CMSS1: variants seen among roughly 807,000 people sequenced by gnomAD.
CMSS1 encodes the protein protein CMSS1.
Under a neutral mutation model 43.5 loss-of-function variants are expected in CMSS1, and 33 were observed. The observed-to-expected ratio is 0.76, with a 90% CI of 0.57 to 1.01. The LOEUF (loss-of-function observed/expected upper bound fraction) is 1.01, where lower values mean the gene tolerates loss of function less well. CMSS1 is among the 50% of genes least tolerant of loss of function. The pLI is 0.00. For synonymous variants in CMSS1, 115 were observed against 117.2 expected (o/e 0.98, Z 0.12); for missense variants, 313 against 326.4 (o/e 0.96, Z 0.32).
At chr3:99,819,570 G>A (rs1340657858) in intron 1 of CMSS1, among the ~76,000 whole-genome samples, 1 of 152,136 alleles carries the variant, frequency 6.6e-6, no homozygotes, top group African/African-American at 2.4e-5. Flanking sequence ...AAAAAGTTAA[G>A]TCGTGTTCTT....
intron 1 of CMSS1, among the ~76,000 whole-genome samples, chr3:99,949,214 C>T (rs1375151928): frequency 2.6e-5 from 4 of 152,170 alleles, no homozygotes; most frequent in Admixed American, 1.3e-4. Context: ...CTTGTAACCT[C>T]CTGGTTCTAA....
chr3:99,993,523 G>C (rs1009413279), intron 1 of CMSS1, among the ~76,000 whole-genome samples: 20 of 152,118 alleles, frequency 1.3e-4, no homozygotes, highest in African/African-American at 4.6e-4. Context: ...GTTGAATAGG[G>C]GTGGTAAAAG....
intron 1 of CMSS1, among the ~76,000 whole-genome samples, chr3:100,134,060 G>T (rs1402711291): frequency 6.6e-6 from 1 of 152,096 alleles, no homozygotes; most frequent in Non-Finnish European, 1.5e-5. Context: ...TCTTCCTTGG[G>T]GTTACACTCT....
At chr3:100,069,385 A>G (rs1161353793) in intron 1 of CMSS1, among the ~76,000 whole-genome samples, 1 of 152,064 alleles carries the variant, frequency 6.6e-6, no homozygotes, top group Non-Finnish European at 1.5e-5. Flanking sequence ...TGAGCCAGCC[A>G]TTAGCTGCCC....
intron 8 of CMSS1, among the ~76,000 whole-genome samples, chr3:100,175,664 A>G (rs2067142440): frequency 6.6e-6 from 1 of 152,212 alleles, no homozygotes; most frequent in South Asian, 2.1e-4. Context: ...TGTTAACACA[A>G]GAGACGTGGA....
intron 1 of CMSS1, among the ~76,000 whole-genome samples, chr3:100,059,285 A>G (rs1257941126): frequency 6.6e-6 from 1 of 152,216 alleles, no homozygotes; most frequent in Non-Finnish European, 1.5e-5. Context: ...GGGCTTTATA[A>G]ATCTCTGGCA....
At chr3:100,131,598 C>T (rs529648030) in intron 1 of CMSS1, among the ~76,000 whole-genome samples, 1 of 152,260 alleles carries the variant, frequency 6.6e-6, no homozygotes, top group African/African-American at 2.4e-5. Flanking sequence ...CAGGCCTTTC[C>T]CAGTTCTCTT....
At chr3:99,826,490 T>C (rs1385491009) in intron 1 of CMSS1, among the ~76,000 whole-genome samples, 1 of 152,208 alleles carries the variant, frequency 6.6e-6, no homozygotes, top group Non-Finnish European at 1.5e-5. Flanking sequence ...GACAACAATA[T>C]TTGAATTTTA....
At chr3:99,831,020 C>G (rs1942652974) in intron 1 of CMSS1, among the ~76,000 whole-genome samples, 1 of 152,128 alleles carries the variant, frequency 6.6e-6, no homozygotes, top group South Asian at 2.1e-4. Context: ...AAAGTTTTCA[C>G]AGTATGAGTG....
chr3:100,100,350 G>C (rs1189671749), intron 1 of CMSS1, among the ~76,000 whole-genome samples: 1 of 152,162 alleles, frequency 6.6e-6, no homozygotes, highest in Non-Finnish European at 1.5e-5. Flanking sequence ...TGAACACCTA[G>C]AATGTACCAT....
At chr3:99,855,151 A>G (rs1943897261) in intron 1 of CMSS1, among the ~76,000 whole-genome samples, 1 of 152,208 alleles carries the variant, frequency 6.6e-6, no homozygotes, top group Non-Finnish European at 1.5e-5. Flanking sequence ...CCCAGTCTGC[A>G]GTACCACAGC....
At chr3:100,113,915 C>T (rs924694444) in intron 1 of CMSS1, 1 of 152,176 alleles carries the variant, frequency 6.6e-6, no homozygotes, top group Non-Finnish European at 1.5e-5. Flanking sequence ...GTCATAAGCT[C>T]TTAATCATAC....
At chr3:100,013,418 A>G (rs1384774214) in intron 1 of CMSS1, among the ~76,000 whole-genome samples, 4 of 150,024 alleles carry the variant, frequency 2.7e-5, no homozygotes, top group African/African-American at 7.4e-5. Flanking sequence ...TAATTTTTAT[A>G]TTTTTAGTAG....
intron 1 of CMSS1, among the ~76,000 whole-genome samples, chr3:99,825,709 C>T (rs793473): frequency 2.6e-3 from 387 of 151,538 alleles, no homozygotes; most frequent in Admixed American, 4.7e-3. Context: ...ACTTCCATTT[C>T]CTCCCTCAGA....
chr3:100,139,085 C>A (rs1215496452), intron 1 of CMSS1, among the ~76,000 whole-genome samples: 3 of 151,984 alleles, frequency 2.0e-5, no homozygotes, highest in Non-Finnish European at 2.9e-5. Context: ...GCAAACTAAC[C>A]CAGGAACAGA....
intron 1 of CMSS1, among the ~76,000 whole-genome samples, chr3:100,005,515 T>C (rs1456806868): frequency 5.9e-5 from 9 of 152,228 alleles, no homozygotes; most frequent in African/African-American, 1.9e-4. Context: ...AAGTCTAGAT[T>C]TTAAGAACCC....
At chr3:100,117,878 T>C (rs9832134) in intron 1 of CMSS1, among the ~76,000 whole-genome samples, 44,799 of 128,856 alleles carry the variant, frequency 0.35, 8,678 homozygotes, top group South Asian at 0.42. Flanking sequence ...TATATATATA[T>C]ACACATACAA....
rs1397650828 is a variant in CMSS1 at position 100,008,320 on chromosome 3, G to C, written c.65-138653G>C. ...AGTGCCAAATGTTTTAATACCATAA[G>C]GACTTGCTTGATAAAGGCTATGCAA... is the stretch of plus-strand genomic sequence containing the variant. On this transcript the variant is annotated intron_variant, in intron 1 of 9. Coordinates refer to ENST00000421999, the MANE Select transcript of CMSS1 (RefSeq NM_032359.4). Among the ~76,000 whole-genome samples, 6 of 152,216 alleles carry C rather than the reference G, an allele frequency of 3.9e-5. No individual in the cohort carries two copies. The South Asian group carries it at 1.2e-3, about 32-fold the overall frequency.
chr3:99,826,980 C>T (rs1184367740), intron 1 of CMSS1, among the ~76,000 whole-genome samples: 1 of 152,096 alleles, frequency 6.6e-6, no homozygotes, highest in Non-Finnish European at 1.5e-5. Context: ...CATTTTTCTT[C>T]AGAGGCCACA....
Sources: allele counts gnomAD v4.1 joint callset (sites outside exome capture counted in the v4.1 genomes callset), GRCh38; gene constraint gnomAD v4.1.1; transcripts MANE v1.5; gene names NCBI Gene and HGNC (gene_info 2026-07-23, HGNC 2026-07-21).